Variants in SLC9A5 observed in about 807,000 individuals in gnomAD.
The protein encoded by SLC9A5 is solute carrier family 9 member A5.
SLC9A5 carries 52 observed loss-of-function variants against 91.7 expected under a neutral mutation model. That is an observed-to-expected ratio of 0.57 (90% CI 0.45 to 0.71). The LOEUF (loss-of-function observed/expected upper bound fraction) is 0.71, where lower values mean the gene tolerates loss of function less well. Among genes scored for constraint, SLC9A5 ranks in the 30% least tolerant of loss-of-function variants. SLC9A5 has a pLI of 0.00. For synonymous variants in SLC9A5, 419 were observed against 474.5 expected (o/e 0.88, Z 1.52); for missense variants, 871 against 1,158.9 (o/e 0.75, Z 3.61).
At position 67,255,379 on chromosome 16, in the gene SLC9A5, C is replaced by T; in HGVS notation, c.655-14C>T. 2.5e-6 allele frequency: 4 copies of T among 1,606,116 alleles called. No individual in the cohort carries two copies. The highest frequency in any genetic ancestry group is 3.4e-6 in the Non-Finnish European group (4 of 1,173,314). Reference sequence around the variant, plus strand: ...CCTTCCCGCCTCACTGCTGACTCTCCTCTTCTCGCTCAGGTGCTGTACAAG... The same window carrying T: ...CCTTCCCGCCTCACTGCTGACTCTCTTCTTCTCGCTCAGGTGCTGTACAAG... On this transcript the variant is annotated splice_polypyrimidine_tract_variant and intron_variant, in intron 3 of 15. Coordinates refer to ENST00000299798, the MANE Select transcript of SLC9A5 (RefSeq NM_004594.3). The surrounding 1 kb of genome is among the most constrained non-coding windows in gnomAD (Gnocchi z 4.9).
At chr16:67,261,659 C>T (rs2035533683) in intron 12 of SLC9A5, 1 of 152,232 alleles carries the variant, frequency 6.6e-6, no homozygotes, top group Admixed American at 6.5e-5. Context: ...TATGTCTCTT[C>T]ATTTAAAAAA....
Position 67,257,750 on chromosome 16 carries a change from C to A in SLC9A5, c.1496+149C>A, listed in dbSNP as rs1567411504. 4 of 805,924 alleles carry A rather than the reference C, an allele frequency of 5.0e-6. No individual in the cohort carries two copies. Among genetic ancestry groups the A allele is most frequent in the Non-Finnish European group, 8.0e-6 (4 of 497,184 alleles). The allele number at this position is 805,924 out of a possible 1,614,324, so 49.9% of individuals were successfully genotyped here. A position where few individuals can be genotyped will look rare whatever the true frequency, so the allele number is the denominator to read the frequency against. On this transcript the variant is annotated intron_variant, in intron 9 of 15. Transcript: ENST00000299798. This position sits in a 1 kb window ranked among gnomAD's most constrained non-coding sequence, Gnocchi z 5.1. ...AGCCCTTCAGTGGCATCCCAGTGCT[C>A]TCAGGTTAAGACAAGGCTCCCCAGT...
Position 67,258,572 on chromosome 16 carries a change from G to A in SLC9A5, c.1626+125G>A. On this transcript the variant is annotated intron_variant, in intron 10 of 15. Coordinates refer to ENST00000299798, the MANE Select transcript of SLC9A5 (RefSeq NM_004594.3). This position sits in a 1 kb window ranked among gnomAD's most constrained non-coding sequence, Gnocchi z 4.5. ...TTGGGAATTCCTAGCTGGCTCCATGGTCTGGTGAAGTGGCAGCGGCAGGAA... is the reference window on the plus strand; with the variant it reads ...TTGGGAATTCCTAGCTGGCTCCATGATCTGGTGAAGTGGCAGCGGCAGGAA... The A allele has an allele frequency of 8.9e-7, 1 of 1,129,866 alleles. No individual in the cohort carries two copies. The highest frequency in any genetic ancestry group is 1.3e-6 in the Non-Finnish European group (1 of 768,724). 70.0% of individuals were successfully genotyped at this position (1,129,866 alleles called of 1,614,324 possible). A position where few individuals can be genotyped will look rare whatever the true frequency, so the allele number is the denominator to read the frequency against.
chr16:67,252,618 G>A lies in SLC9A5; in HGVS notation c.264G>A (p.Gly88=). 1 of 1,614,148 alleles carries A rather than the reference G, an allele frequency of 6.2e-7. No individual in the cohort carries two copies. The highest frequency in any genetic ancestry group is 1.1e-5 in the South Asian group (1 of 91,090). ...CLLILLGLVL[G]GIVLAVAKKA... ...TGATTTTGCTGGGCCTGGTGCTAGG[G>A]GGAATTGTTTTGGCTGTGGCCAAGA... The change falls in exon 2 of 16, where the codon GGG becomes GGA. Residue 88 remains glycine (G), a synonymous_variant. Transcript: ENST00000299798. This position sits in a 1 kb window ranked among gnomAD's most constrained non-coding sequence, Gnocchi z 4.0.
Position 67,255,714 on chromosome 16 carries a change from C to G in SLC9A5, c.734-39C>G. ...CAGTCTTGTCAGCCCGGGTAGGGTC[C>G]GGGCCAGGGGTCATGCTGACAACCC... On this transcript the variant is annotated intron_variant, in intron 4 of 15. Coordinates refer to ENST00000299798, the MANE Select transcript of SLC9A5 (RefSeq NM_004594.3). This position sits in a 1 kb window ranked among gnomAD's most constrained non-coding sequence, Gnocchi z 4.9. The G allele has an allele frequency of 6.6e-7, 1 of 1,524,188 alleles. No individual in the cohort carries two copies. The highest frequency in any genetic ancestry group is 8.8e-7 in the Non-Finnish European group (1 of 1,132,508). 94.4% of individuals were successfully genotyped at this position (1,524,188 alleles called of 1,614,324 possible).
At position 67,252,605 on chromosome 16, in the gene SLC9A5, G is replaced by A; in HGVS notation, c.251G>A (p.Gly84Asp). 1 of 1,614,030 alleles carries A rather than the reference G, an allele frequency of 6.2e-7. No homozygotes were observed. The highest frequency in any genetic ancestry group is 1.7e-5 in the Admixed American group (1 of 60,018). Residue 84 changes from glycine (G) to aspartate (D), a missense_variant, in exon 2 of 16, where the codon GGC (glycine) becomes GAC (aspartate). Physicochemically the swap from Gly to Asp is moderately conservative, Grantham distance 94. Around this residue, in one of 3 missense-constraint regions of SLC9A5, gnomAD observed 122 missense variants for 114.5 expected, o/e 1.07. Transcript: ENST00000299798. This position sits in a 1 kb window ranked among gnomAD's most constrained non-coding sequence, Gnocchi z 4.0. The stretch of plus-strand genomic sequence containing the variant: ...GAGAGCTGCCTGCTGATTTTGCTGG[G>A]CCTGGTGCTAGGGGGAATTGTTTTG... Reference protein sequence around the residue: ...VPESCLLILLGLVLGGIVLAV... With the variant: ...VPESCLLILLDLVLGGIVLAV...
At chr16:67,264,795 A>T (rs748709094) in intron 13 of SLC9A5, among the ~76,000 whole-genome samples, 2 of 151,910 alleles carry the variant, frequency 1.3e-5, no homozygotes, top group Non-Finnish European at 2.9e-5. Context: ...GGCAGGAGAA[A>T]AGGAGATTCC....
At chr16:67,268,708 A>ATTTT (rs2035823135) in intron 15 of SLC9A5, among the ~76,000 whole-genome samples, 1 of 92,744 alleles carries the variant, frequency 1.1e-5, no homozygotes, top group South Asian at 3.8e-4. Context: ...ATATATATAT[A>ATTTT]TATTTTTACA....
chr16:67,254,116 T>A (rs1166637118), intron 2 of SLC9A5, among the ~76,000 whole-genome samples: 1 of 152,178 alleles, frequency 6.6e-6, no homozygotes, highest in Non-Finnish European at 1.5e-5. Flanking sequence ...TAAGGAACTT[T>A]TTGAGGTAGA....
chr16:67,265,595 G>A lies in SLC9A5; in HGVS notation c.2080+489G>A, dbSNP rs367754000. 8.2e-4 allele frequency among the ~76,000 whole-genome samples: 124 copies of A among 151,958 alleles called. 2 individuals carry two copies. The South Asian group carries it at 0.025, about 30-fold the overall frequency. ...CACCACACCTGGCTAATTTTTTTTT[G>A]TATTTTTGGTAGAGACAGGGTTTCG... On this transcript the variant is annotated intron_variant, in intron 14 of 15. Transcript: ENST00000299798.
intron 1 of SLC9A5, among the ~76,000 whole-genome samples, chr16:67,251,948 AG>A (rs2035138817): frequency 6.6e-6 from 1 of 152,178 alleles, no homozygotes; most frequent in South Asian, 2.1e-4. Flanking sequence ...GCTATGGATA[AG>A]GGTTGTCAGA....
chr16:67,252,486 G>T lies in SLC9A5; in HGVS notation c.188-56G>T, dbSNP rs1203159128. The T allele has an allele frequency of 6.2e-6, 9 of 1,440,554 alleles. No homozygotes were observed. Among genetic ancestry groups the T allele is most frequent in the Non-Finnish European group, 8.5e-6 (9 of 1,055,430 alleles). 89.2% of individuals were successfully genotyped at this position (1,440,554 alleles called of 1,614,324 possible). ...AACAAAACTGGGAGTTCATAGGCCT[G>T]TGTGTGGGAGGATATTCCATAAACT... On this transcript the variant is annotated intron_variant, in intron 1 of 15. Transcript: ENST00000299798. The surrounding 1 kb of genome is among the most constrained non-coding windows in gnomAD (Gnocchi z 4.0).
chr16:67,266,850 C>CT (rs61525765), intron 15 of SLC9A5, among the ~76,000 whole-genome samples: 36,349 of 118,902 alleles, frequency 0.31, 5,554 homozygotes, highest in East Asian at 0.53. Flanking sequence ...CTATTCTTTT[C>CT]TTTTTTTTTT....
intron 10 of SLC9A5, 149 bp from the exon 11 acceptor site, chr16:67,259,424 G>T: frequency 1.7e-5 from 9 of 525,884 alleles, no homozygotes; most frequent in East Asian, 3.5e-5. Flanking sequence ...TATAGATTTT[G>T]TGAATTCGAT....
At position 67,268,693 on chromosome 16, in the gene SLC9A5, TA is replaced by T. The variant is rs1567421590; in HGVS notation, c.2219-2044del. Among the ~76,000 whole-genome samples, 61 of 96,624 alleles carry T rather than the reference TA, an allele frequency of 6.3e-4. 2 individuals are homozygous for T. The highest frequency in any genetic ancestry group is 2.0e-3 in the African/African-American group (51 of 25,290). The allele number at this position is 96,624 out of a possible 152,430, so 63.4% of individuals were successfully genotyped here. A position where few individuals can be genotyped will look rare whatever the true frequency, so the allele number is the denominator to read the frequency against. On this transcript the variant is annotated intron_variant, in intron 15 of 15. Transcript: ENST00000299798. ...ATATATATATATATATATATATATA[TA>T]TATATATATATATATATTTTTACAG...
Position 67,258,515 on chromosome 16 carries a change from GGGT to G in SLC9A5, c.1626+71_1626+73del. The G allele has an allele frequency of 2.5e-6, 4 of 1,588,806 alleles. No homozygotes were observed. Among genetic ancestry groups the G allele is most frequent in the Non-Finnish European group, 3.5e-6 (4 of 1,159,206 alleles). On this transcript the variant is annotated intron_variant, in intron 10 of 15. Coordinates refer to ENST00000299798, the MANE Select transcript of SLC9A5 (RefSeq NM_004594.3). The surrounding 1 kb of genome is among the most constrained non-coding windows in gnomAD (Gnocchi z 4.5). ...ATGGTCAGCAGAGCAGGACAGAAAG[GGGT>G]GGCAAGCAGGCTGGCCCTGAGCAGG...
rs770346781 is a variant in SLC9A5 at position 67,271,107 on chromosome 16, A to G, written c.2588A>G (p.Gln863Arg). 1 of 1,613,830 alleles carries G rather than the reference A, an allele frequency of 6.2e-7. No individual in the cohort carries two copies. The highest frequency in any genetic ancestry group is 1.7e-5 in the Admixed American group (1 of 60,018). Residue 863 changes from glutamine (Q) to arginine (R), a missense_variant, in exon 16 of 16, where the codon CAG becomes CGG. Gln to Arg is a conservative substitution (Grantham distance 43). Coordinates refer to ENST00000299798, the MANE Select transcript of SLC9A5 (RefSeq NM_004594.3). ...SESSADLPQQ[Q>R]ELQPLMGHKD... ...AGCAGCGCTGACCTCCCCCAGCAGCAGGAGCTGCAGCCCCTCATGGGCCAC... is the reference window on the plus strand; with the variant it reads ...AGCAGCGCTGACCTCCCCCAGCAGCGGGAGCTGCAGCCCCTCATGGGCCAC...
At chr16:67,268,819 G>C (rs1297679595) in intron 15 of SLC9A5, among the ~76,000 whole-genome samples, 1 of 149,634 alleles carries the variant, frequency 6.7e-6, no homozygotes, top group Admixed American at 6.7e-5. Context: ...GCAATGCCCA[G>C]AGACATTTTT....
rs1391380275 is a variant in SLC9A5, at chr16:67,256,928, T to C, written c.1150T>C (p.Trp384Arg). The change falls in exon 7 of 16, where the codon TGG becomes CGG. Residue 384 changes from tryptophan to arginine, a missense_variant. This residue lies in a region of SLC9A5 where 454 missense variants were observed against 718.3 expected (regional missense o/e 0.63). Transcript: ENST00000299798. The surrounding 1 kb of genome is among the most constrained non-coding windows in gnomAD (Gnocchi z 4.1). ...CGCTGTAGGCGTAGTCCTGCAGACC[T>C]GGGTGCTGAATCAGTTCCGGCTAGT... ...FRALGVVLQT[W>R]VLNQFRLVPL... 1 of 1,613,998 alleles carries C rather than the reference T, an allele frequency of 6.2e-7. No individual in the cohort carries two copies. Among genetic ancestry groups the C allele is most frequent in the Non-Finnish European group, 8.5e-7 (1 of 1,180,024 alleles).
Sources: gnomAD v4.1 joint callset for allele counts (sites outside exome capture counted in the v4.1 genomes callset) on GRCh38, gnomAD v4.1.1 for gene constraint, gnomAD v4.1.1 regional missense constraint, Gnocchi (gnomAD v3.1) non-coding constraint, MANE v1.5 for transcripts, NCBI Gene and HGNC (gene_info 2026-07-23, HGNC 2026-07-21) for gene names.